The following MRC2 variants were observed in gnomAD, a reference collection of about 807,000 sequenced individuals.
MRC2 encodes mannose receptor C-type 2.
A neutral mutation model predicts 206.2 loss-of-function variants in MRC2; 84 were observed. The ratio of observed to expected loss-of-function variants is 0.41; its 90% confidence interval spans 0.34 to 0.49. The LOEUF is 0.49. Among genes scored for constraint, MRC2 ranks in the 20% least tolerant of loss-of-function variants. The pLI, the probability that MRC2 is intolerant of heterozygous loss-of-function variation, is 0.31. For missense variants in MRC2, 1,676 were observed against 2,001.5 expected (o/e 0.84, Z 3.10); for synonymous variants, 798 against 800.0 (o/e 1.00, Z 0.04).
At chr17:62,670,458 C>T (rs2147470611) in intron 6 of MRC2, among the ~76,000 whole-genome samples, 1 of 152,350 alleles carries the variant, frequency 6.6e-6, no homozygotes, top group East Asian at 1.9e-4. Flanking sequence ...GTGGCTGGAC[C>T]ACTGGAATCC....
In MRC2 at chr17:62,667,396, C is replaced by T; in HGVS notation, c.980C>T (p.Pro327Leu). Reference protein sequence around the residue: ...LKYLNWESDQPDNPSEENCGV... With the variant: ...LKYLNWESDQLDNPSEENCGV... ...CGCCCTGCCCTCCCCACAGACCAGC[C>T]GGACAACCCCAGTGAGGAGAACTGT... is the stretch of plus-strand genomic sequence containing the variant. Residue 327 changes from proline to leucine, a missense_variant, in exon 6 of 30, where the codon CCG becomes CTG. Pro to Leu is a moderately conservative substitution (Grantham distance 98, BLOSUM62 -3). Around this residue, in one of 3 missense-constraint regions of MRC2, gnomAD observed 1,354 missense variants for 1,636.6 expected, o/e 0.83. Transcript: ENST00000303375. The surrounding 1 kb of genome is among the most constrained non-coding windows in gnomAD (Gnocchi z 4.1). 6.3e-7 allele frequency: 1 copy of T among 1,598,226 alleles called. No homozygotes were observed. The highest frequency in any genetic ancestry group is 8.5e-7 in the Non-Finnish European group (1 of 1,173,910).
Position 62,652,801 on chromosome 17 carries a change from C to T in MRC2, c.119-11747C>T, listed in dbSNP as rs1267870289. Among the ~76,000 whole-genome samples, 2 of 25,228 alleles carry T rather than the reference C, an allele frequency of 7.9e-5. No homozygotes were observed. Among genetic ancestry groups the T allele is most frequent in the Non-Finnish European group, 1.5e-4 (2 of 13,722 alleles). The allele number at this position is 25,228 out of a possible 152,430, so 16.6% of individuals were successfully genotyped here. On this transcript the variant is annotated intron_variant, in intron 1 of 29. Coordinates refer to ENST00000303375, the MANE Select transcript of MRC2 (RefSeq NM_006039.5). This position sits in a 1 kb window ranked among gnomAD's most constrained non-coding sequence, Gnocchi z 4.6. ...GCACGATGGCAGGGGGAGGGGTGCT[C>T]GGTGGAGGGAGGGGCACACGGTGGC...
chr17:62,638,836 C>T (rs1187611821), intron 1 of MRC2, among the ~76,000 whole-genome samples: 3 of 151,370 alleles, frequency 2.0e-5, no homozygotes, highest in African/African-American at 7.3e-5. Flanking sequence ...CTCTTGAACT[C>T]CTAACCCTGG....
intron 1 of MRC2, among the ~76,000 whole-genome samples, chr17:62,657,494 T>C (rs2088631743): frequency 6.6e-6 from 1 of 152,174 alleles, no homozygotes; most frequent in African/African-American, 2.4e-5. Context: ...CATGGGTTGA[T>C]TGCCTACAAA....
At chr17:62,668,365 AAT>A in intron 6 of MRC2, among the ~76,000 whole-genome samples, 1 of 150,836 alleles carries the variant, frequency 6.6e-6, no homozygotes. Flanking sequence ...TCAAAAAATA[AAT>A]AAATAAATAA....
At chr17:62,679,324 C>G (rs1050812194) in intron 13 of MRC2, 1 of 158,780 alleles carries the variant, frequency 6.3e-6, no homozygotes, top group African/African-American at 2.4e-5. Context: ...AGTCCTCACT[C>G]AAGCCTCCCG....
chr17:62,682,799 C>T (rs1354320911), intron 20 of MRC2, among the ~76,000 whole-genome samples: 1 of 151,824 alleles, frequency 6.6e-6, no homozygotes, highest in African/African-American at 2.4e-5. Flanking sequence ...CTGCCACCAC[C>T]CCTGGCTAAT....
Position 62,690,753 on chromosome 17 carries a change from A to G in MRC2, c.4004A>G (p.Asn1335Ser), listed in dbSNP as rs1274550125. 7.5e-6 allele frequency: 12 copies of G among 1,605,818 alleles called. No homozygotes were observed. The highest frequency in any genetic ancestry group is 1.7e-4 in the Middle Eastern group (1 of 6,044). The change falls in exon 27 of 30, where the codon AAC (asparagine) becomes AGC (serine). Residue 1335 changes from asparagine to serine, a missense_variant. Asn to Ser is a conservative substitution (Grantham distance 46). Around this residue, in one of 3 missense-constraint regions of MRC2, gnomAD observed 1,354 missense variants for 1,636.6 expected, o/e 0.83. Transcript: ENST00000303375. ...GGCGCCTGGCTGGGCATGAACTTCA[A>G]CCCCAAAGGTGGGTGCCCTGTGTGT... ...SRGAWLGMNFNPKGGTLVWQD... is the reference protein window; with the variant it reads ...SRGAWLGMNFSPKGGTLVWQD...
At chr17:62,631,259 G>T (rs1329284196) in intron 1 of MRC2, among the ~76,000 whole-genome samples, 2 of 152,118 alleles carry the variant, frequency 1.3e-5, no homozygotes, top group Non-Finnish European at 2.9e-5. Flanking sequence ...ACCCACGGCT[G>T]CGCTGTGCAT....
At chr17:62,644,695 C>G (rs2088453790) in intron 1 of MRC2, among the ~76,000 whole-genome samples, 1 of 152,154 alleles carries the variant, frequency 6.6e-6, no homozygotes, top group Admixed American at 6.6e-5. Flanking sequence ...GCATGTGACT[C>G]CTCACTGCCA....
At chr17:62,670,645 A>G (rs2088816251) in intron 6 of MRC2, among the ~76,000 whole-genome samples, 1 of 152,250 alleles carries the variant, frequency 6.6e-6, no homozygotes, top group Non-Finnish European at 1.5e-5. Context: ...TGAACCTGAA[A>G]GGCATGGAAA....
chr17:62,656,779 G>T (rs1568057000), intron 1 of MRC2, among the ~76,000 whole-genome samples: 1 of 152,188 alleles, frequency 6.6e-6, no homozygotes, highest in Non-Finnish European at 1.5e-5. Context: ...AGCCCAGCTG[G>T]CTGCAGATGA....
intron 18 of MRC2, chr17:62,681,537 G>A (rs1311299710): frequency 4.3e-6 from 2 of 460,504 alleles, no homozygotes; most frequent in Non-Finnish European, 7.7e-6. Context: ...AGGACCAGGA[G>A]CACCTGGGAC....
At chr17:62,651,086 CTTT>C (rs764258977) in intron 1 of MRC2, among the ~76,000 whole-genome samples, 2 of 142,352 alleles carry the variant, frequency 1.4e-5, no homozygotes, top group Non-Finnish European at 1.5e-5. Context: ...TGACAAACAT[CTTT>C]TTTTTTTTTT....
In MRC2 at chr17:62,692,724, G is replaced by C; in HGVS notation, c.*273G>C. On this transcript the variant is annotated 3_prime_UTR_variant, in exon 30 of 30. Transcript: ENST00000303375. This position sits in a 1 kb window ranked among gnomAD's most constrained non-coding sequence, Gnocchi z 4.2. ...TGGTCCTGTGCCCCCACAGGAACCA[G>C]AGGTAGGATGGGAGGGGGAACGAGA... 1 of 427,252 alleles carries C rather than the reference G, an allele frequency of 2.3e-6. No homozygotes were observed. Among genetic ancestry groups the C allele is most frequent in the Admixed American group, 3.6e-5 (1 of 27,956 alleles). 26.5% of individuals were successfully genotyped at this position (427,252 alleles called of 1,614,324 possible). A position where few individuals can be genotyped will look rare whatever the true frequency, so the allele number is the denominator to read the frequency against.
rs772115952 is a variant in MRC2, at chr17:62,672,095, C to T, written c.1404C>T (p.Pro468=). The T allele has an allele frequency of 3.1e-6, 5 of 1,614,120 alleles. No homozygotes were observed. The highest frequency in any genetic ancestry group is 3.4e-6 in the Non-Finnish European group (4 of 1,180,034). ...TTGTGAGCTTCACCCACTGGCACCC[C>T]TTTGAGCCCAACAACTTCCGGGACA... ...GSLVSFTHWH[P]FEPNNFRDSL... The change falls in exon 8 of 30, where the codon CCC becomes CCT. Residue 468 remains proline, a synonymous_variant. Coordinates refer to ENST00000303375, the MANE Select transcript of MRC2 (RefSeq NM_006039.5). This position sits in a 1 kb window ranked among gnomAD's most constrained non-coding sequence, Gnocchi z 4.5.
At chr17:62,653,544 T>C (rs1052054951) in intron 1 of MRC2, among the ~76,000 whole-genome samples, 1 of 152,194 alleles carries the variant, frequency 6.6e-6, no homozygotes, top group Admixed American at 6.5e-5. Flanking sequence ...TATCACAGTC[T>C]GCAGCACAGA....
intron 9 of MRC2, 100 bp downstream of exon 9, chr17:62,674,270 GCCCT>G: frequency 1.2e-6 from 1 of 837,582 alleles, no homozygotes; most frequent in East Asian, 2.9e-5. Context: ...GCATGGCATC[GCCCT>G]CTCGTCGGCA....
At position 62,664,979 on chromosome 17, in the gene MRC2, G is replaced by A; in HGVS notation, c.520+30G>A. ...GGGGCCGCTTGCAGGCGGGAGGGTG[G>A]GGTCCCCGATGTCCAGGGGACTGGA... On this transcript the variant is annotated intron_variant, in intron 2 of 29. Transcript: ENST00000303375. This position sits in a 1 kb window ranked among gnomAD's most constrained non-coding sequence, Gnocchi z 4.7. The A allele has an allele frequency of 6.4e-7, 1 of 1,570,656 alleles. No homozygotes were observed. Among genetic ancestry groups the A allele is most frequent in the South Asian group, 1.2e-5 (1 of 84,974 alleles).
Sources: allele counts gnomAD v4.1 joint callset (sites outside exome capture counted in the v4.1 genomes callset), GRCh38; gene constraint gnomAD v4.1.1; regional missense constraint gnomAD v4.1.1; non-coding constraint Gnocchi (gnomAD v3.1); transcripts MANE v1.5; gene names NCBI Gene and HGNC (gene_info 2026-07-23, HGNC 2026-07-21).